The following FOLH1 variants were observed in gnomAD, a reference collection of about 807,000 sequenced individuals.
The protein encoded by FOLH1 is folate hydrolase 1, also known as glutamate carboxypeptidase 2.
A neutral mutation model predicts 93.9 loss-of-function variants in FOLH1; 54 were observed. The observed-to-expected ratio is 0.57, with a 90% CI of 0.46 to 0.72. FOLH1 has a LOEUF of 0.72. FOLH1 is among the 30% of genes least tolerant of loss of function. The pLI is 0.00. For missense variants in FOLH1, 571 were observed against 892.5 expected (o/e 0.64, Z 4.59); for synonymous variants, 249 against 303.6 (o/e 0.82, Z 1.87).
intron 18 of FOLH1, among the ~76,000 whole-genome samples, chr11:49,148,079 G>A (rs927272535): frequency 1.3e-5 from 2 of 151,940 alleles, no homozygotes; most frequent in Non-Finnish European, 2.9e-5. Flanking sequence ...GCTGTCCAAT[G>A]ATCTATCTCA....
At chr11:49,154,121 T>C in intron 16 of FOLH1, 107 bp downstream of exon 16, 1 of 1,484,796 alleles carries the variant, frequency 6.7e-7, no homozygotes. Context: ...GAATATTGGA[T>C]CACTTGAAAT....
rs1335344916 is a variant in FOLH1, at chr11:49,208,424, AGCC to A, written c.-18_-16del. 1 of 1,573,734 alleles carries A rather than the reference AGCC, an allele frequency of 6.4e-7. No homozygotes were observed. Among genetic ancestry groups the A allele is most frequent in the Non-Finnish European group, 8.7e-7 (1 of 1,154,594 alleles). ...AGATTCCACATCTCGGCGCGAGCAG[AGCC>A]GGCCTCCCGGGACCCGCGCCTGTGC... is the stretch of plus-strand genomic sequence containing the variant. On this transcript the variant is annotated 5_prime_UTR_variant, in exon 1 of 19. Coordinates refer to ENST00000256999, the MANE Select transcript of FOLH1 (RefSeq NM_004476.3).
intron 7 of FOLH1, among the ~76,000 whole-genome samples, chr11:49,181,963 G>C (rs1342515064): frequency 6.6e-6 from 1 of 152,090 alleles, no homozygotes; most frequent in Non-Finnish European, 1.5e-5. Flanking sequence ...AAGAAGAAAA[G>C]GGACTACCTG....
chr11:49,186,170 C>A (rs554540798), intron 5 of FOLH1: 4 of 272,458 alleles, frequency 1.5e-5, no homozygotes, highest in Non-Finnish European at 1.9e-5. Flanking sequence ...GTTCTACAGT[C>A]GAAAGGGAAT....
rs199735467 is a variant in FOLH1 at position 49,148,876 on chromosome 11, AG to A, written c.1971-146del. The A allele has an allele frequency of 6.1e-4, 373 of 613,710 alleles. 1 individual carries two copies. The African/African-American group carries it at 6.7e-3, about 11-fold the overall frequency. 38.0% of individuals were successfully genotyped at this position (613,710 alleles called of 1,614,324 possible). A position where few individuals can be genotyped will look rare whatever the true frequency, so the allele number is the denominator to read the frequency against. On this transcript the variant is annotated intron_variant, in intron 17 of 18. Transcript: ENST00000256999. ...CTACACCAAAATTTGTGCATACTCAAGTCCTGCAAGGAGGACACATGTATGT... is the reference window on the plus strand; with the variant it reads ...CTACACCAAAATTTGTGCATACTCAATCCTGCAAGGAGGACACATGTATGT...
intron 17 of FOLH1, among the ~76,000 whole-genome samples, chr11:49,151,592 C>T (rs1856519050): frequency 6.6e-6 from 1 of 151,776 alleles, no homozygotes; most frequent in Non-Finnish European, 1.5e-5. Flanking sequence ...TTTACTTAGT[C>T]AGAATTTACT....
In FOLH1 at chr11:49,206,332, A is replaced by C. The variant is rs550577441; in HGVS notation, c.119-160T>G. ...ATTTTAATTTCTCTTGCCTACTTTCACTGAAAAAGAGTCATGCAAACAGAT... is the reference window on the plus strand; with the variant it reads ...ATTTTAATTTCTCTTGCCTACTTTCCCTGAAAAAGAGTCATGCAAACAGAT... On this transcript the variant is annotated intron_variant, in intron 1 of 18. Transcript: ENST00000256999. 6.7e-4 allele frequency: 746 copies of C among 1,120,426 alleles called. 3 individuals carry two copies. In the African/African-American group the frequency reaches 0.01, roughly 16 times the overall value. The allele number at this position is 1,120,426 out of a possible 1,614,324, so 69.4% of individuals were successfully genotyped here. A position where few individuals can be genotyped will look rare whatever the true frequency, so the allele number is the denominator to read the frequency against.
At chr11:49,174,829 T>C in intron 9 of FOLH1, 63 bp downstream of exon 9, 1 of 1,338,094 alleles carries the variant, frequency 7.5e-7, no homozygotes, top group Non-Finnish European at 1.0e-6. Context: ...CTCCCAGAGC[T>C]TGGTAGTATC....
In FOLH1 at chr11:49,166,223, C is replaced by A. The variant is rs1019947408; in HGVS notation, c.1373-1451G>T. Among the ~76,000 whole-genome samples, 10 of 152,024 alleles carry A rather than the reference C, an allele frequency of 6.6e-5. No individual in the cohort carries two copies. In the South Asian group the frequency reaches 1.7e-3, roughly 25 times the overall value. Reference sequence around the variant, plus strand: ...GAATGAAAAAGGCAAGTTGTAGAAGCATTTAGCTGTAATATGATACCAAAT... The same window carrying A: ...GAATGAAAAAGGCAAGTTGTAGAAGAATTTAGCTGTAATATGATACCAAAT... On this transcript the variant is annotated intron_variant, in intron 12 of 18. Transcript: ENST00000256999.
chr11:49,147,735 G>A (rs548444655), intron 18 of FOLH1, among the ~76,000 whole-genome samples: 13 of 152,156 alleles, frequency 8.5e-5, no homozygotes, highest in African/African-American at 2.9e-4. Context: ...ACGAGCCTGC[G>A]CAACATAGGG....
At chr11:49,150,510 TTGCTAA>T (rs1462591627) in intron 17 of FOLH1, among the ~76,000 whole-genome samples, 1 of 152,134 alleles carries the variant, frequency 6.6e-6, no homozygotes, top group Non-Finnish European at 1.5e-5. Flanking sequence ...ATAAGATGAC[TTGCTAA>T]TGTTTAGTAA....
At chr11:49,196,827 A>G (rs558013828) in intron 3 of FOLH1, among the ~76,000 whole-genome samples, 168 of 152,322 alleles carry the variant, frequency 1.1e-3, no homozygotes, top group African/African-American at 3.9e-3. Flanking sequence ...ACCAGAAGAA[A>G]GTTAAGGATA....
chr11:49,173,424 A>G lies in FOLH1; in HGVS notation c.1158T>C (p.Ile386=). The part of the protein sequence containing the change: ...GHRDSWVFGG[I]DPQSGAAVVH... ...CAACAGCTGCTCCACTCTGAGGGTC[A>G]ATACCACCAAACACCCATGAGTCCC... The change falls in exon 10 of 19, where the codon ATT becomes ATC. Residue 386 remains isoleucine, a synonymous_variant. Coordinates refer to ENST00000256999, the MANE Select transcript of FOLH1 (RefSeq NM_004476.3). 6.2e-7 allele frequency: 1 copy of G among 1,612,730 alleles called. No individual in the cohort carries two copies. Among genetic ancestry groups the G allele is most frequent in the East Asian group, 2.2e-5 (1 of 44,850 alleles).
At chr11:49,169,300 A>T in intron 11 of FOLH1, 42 bp from the exon 12 acceptor site, 1 of 1,567,224 alleles carries the variant, frequency 6.4e-7, no homozygotes, top group South Asian at 1.1e-5. Context: ...GTTATAACCC[A>T]CTCCCCCTCC....
intron 2 of FOLH1, among the ~76,000 whole-genome samples, chr11:49,204,055 A>T (rs1347894230): frequency 1.3e-5 from 2 of 152,206 alleles, no homozygotes; most frequent in Non-Finnish European, 2.9e-5. Context: ...CACCAGAAAA[A>T]GGAAGAGAGA....
chr11:49,207,640 C>CTTT (rs1237681573), intron 1 of FOLH1: 32 of 319,620 alleles, frequency 1.0e-4, no homozygotes, highest in African/African-American at 6.5e-4. Flanking sequence ...CAATAATTTG[C>CTTT]AGATAATATT....
intron 13 of FOLH1, among the ~76,000 whole-genome samples, chr11:49,160,353 G>A (rs896362333): frequency 6.6e-6 from 1 of 151,924 alleles, no homozygotes; most frequent in African/African-American, 2.4e-5. Context: ...TGGTTACTTT[G>A]TGTCTTTTGC....
At chr11:49,204,047 C>G (rs1863576306) in intron 2 of FOLH1, among the ~76,000 whole-genome samples, 1 of 152,142 alleles carries the variant, frequency 6.6e-6, no homozygotes, top group African/African-American at 2.4e-5. Flanking sequence ...GTACACTCCA[C>G]CAGAAAAAGG....
At chr11:49,206,042 T>C in intron 2 of FOLH1, 25 bp downstream of exon 2, 8 of 1,597,020 alleles carry the variant, frequency 5.0e-6, no homozygotes, top group Non-Finnish European at 6.0e-6. Context: ...AACTTGTCCA[T>C]ATAAACTTTC....
Sources: allele counts gnomAD v4.1 joint callset (sites outside exome capture counted in the v4.1 genomes callset), GRCh38; gene constraint gnomAD v4.1.1; transcripts MANE v1.5; gene names NCBI Gene and HGNC (gene_info 2026-07-23, HGNC 2026-07-21).